The following FOCAD variants were observed in gnomAD, a reference collection of about 807,000 sequenced individuals.
FOCAD encodes focadhesin, also known as KIAA1797.
In FOCAD, 198 loss-of-function variants were observed where a neutral mutation model predicts 225.6. The ratio of observed to expected loss-of-function variants is 0.88; its 90% CI spans 0.78 to 0.99. The LOEUF (loss-of-function observed/expected upper bound fraction) is 0.99, where lower values mean the gene tolerates loss of function less well. Among genes scored for constraint, FOCAD ranks in the 50% least tolerant of loss-of-function variants. FOCAD has a pLI of 0.00. For synonymous variants in FOCAD, 897 were observed against 755.0 expected (o/e 1.19, Z -3.08); for missense variants, 2,713 against 2,123.6 (o/e 1.28, Z -5.46).
Position 20,775,201 on chromosome 9 carries a change from C to T in FOCAD, c.907-3480C>T, listed in dbSNP as rs575331534. ...TAGGCTGCATTAGTTTTTGTGGATT[C>T]GGTCTTAGTTGAGCCATTTTTAGCC... is the stretch of plus-strand genomic sequence containing the variant. On this transcript the variant is annotated intron_variant, in intron 8 of 43. Coordinates refer to ENST00000338382, the MANE Select transcript of FOCAD (RefSeq NM_001375567.1). Among the ~76,000 whole-genome samples, 10 of 152,188 alleles carry T rather than the reference C, an allele frequency of 6.6e-5. No homozygotes were observed. In the East Asian group the frequency reaches 7.7e-4, roughly 12 times the overall value.
At chr9:20,882,400 A>C (rs1185603395) in intron 20 of FOCAD, among the ~76,000 whole-genome samples, 1 of 152,238 alleles carries the variant, frequency 6.6e-6, no homozygotes, top group Non-Finnish European at 1.5e-5. Context: ...GATTTTTCTC[A>C]CAGGACATTT....
chr9:20,890,189 G>T (rs1006965371), intron 21 of FOCAD, among the ~76,000 whole-genome samples: 4 of 151,634 alleles, frequency 2.6e-5, no homozygotes. Context: ...TTGCTGGACT[G>T]CACTATCTAG....
intron 21 of FOCAD, among the ~76,000 whole-genome samples, chr9:20,885,787 T>C (rs1159800268): frequency 6.6e-6 from 1 of 152,154 alleles, no homozygotes; most frequent in African/African-American, 2.4e-5. Flanking sequence ...GGAAAGTCCT[T>C]GGGAAATGTA....
intron 21 of FOCAD, among the ~76,000 whole-genome samples, chr9:20,889,481 T>C (rs890920376): frequency 2.0e-5 from 3 of 152,198 alleles, no homozygotes; most frequent in Non-Finnish European, 4.4e-5. Flanking sequence ...ATGTATGTGT[T>C]ATTTGTTGAA....
chr9:20,705,847 C>G lies in FOCAD; in HGVS notation c.-32-9475C>G, dbSNP rs562509784. On this transcript the variant is annotated intron_variant, in intron 1 of 43. Transcript: ENST00000338382. ...GATATACTCATATATTTAGCATATA[C>G]ATATCCATATGCCACAAGTTAAAAC... is the stretch of plus-strand genomic sequence containing the variant. 7.4e-5 allele frequency among the ~76,000 whole-genome samples: 11 copies of G among 148,794 alleles called. No individual in the cohort carries two copies. In the South Asian group the frequency reaches 2.3e-3, roughly 32 times the overall value.
At chr9:20,826,739 A>G (rs1253095317) in intron 15 of FOCAD, among the ~76,000 whole-genome samples, 4 of 152,140 alleles carry the variant, frequency 2.6e-5, no homozygotes, top group Non-Finnish European at 5.9e-5. Context: ...CATGGCTCAC[A>G]AAAGTAGTCT....
intron 15 of FOCAD, among the ~76,000 whole-genome samples, chr9:20,833,954 A>C (rs1825749446): frequency 6.6e-6 from 1 of 152,100 alleles, no homozygotes; most frequent in Non-Finnish European, 1.5e-5. Flanking sequence ...ATATGAACAT[A>C]ATTCTACCTG....
At chr9:20,669,188 G>T (rs1369395716) in intron 2 of FOCAD, among the ~76,000 whole-genome samples, 4 of 152,078 alleles carry the variant, frequency 2.6e-5, no homozygotes, top group Admixed American at 6.5e-5. Flanking sequence ...AATTTAAGGG[G>T]GTGCTCATTC....
Position 20,771,916 on chromosome 9 carries a change from T to C in FOCAD, c.906+1678T>C, listed in dbSNP as rs200261819. ...AGAGTATGAGCTCTGTGGTGTCTTA[T>C]GAGGATACTATCCAGATTGGATTAT... On this transcript the variant is annotated intron_variant, in intron 8 of 43. Transcript: ENST00000338382. Among the ~76,000 whole-genome samples, 15 of 152,338 alleles carry C rather than the reference T, an allele frequency of 9.8e-5. No individual in the cohort carries two copies. In the East Asian group the frequency reaches 2.3e-3, roughly 23 times the overall value.
At position 20,916,937 on chromosome 9, in the gene FOCAD, AG is replaced by A; in HGVS notation, c.2852+1del. The A allele has an allele frequency of 6.2e-7, 1 of 1,601,586 alleles. No individual in the cohort carries two copies. The highest frequency in any genetic ancestry group is 8.5e-7 in the Non-Finnish European group (1 of 1,175,028). ...GATGAGATCACCAAGGCAGCTGCAAAGTAAGATCCATTTAGTCTTTTATCAA... is the reference window on the plus strand; with the variant it reads ...GATGAGATCACCAAGGCAGCTGCAAATAAGATCCATTTAGTCTTTTATCAA... On this transcript the variant is annotated splice_donor_variant, in intron 24 of 43. Coordinates refer to ENST00000338382, the MANE Select transcript of FOCAD (RefSeq NM_001375567.1). LOFTEE classifies it high-confidence loss of function.
At chr9:20,674,814 T>C (rs962858150) in intron 2 of FOCAD, among the ~76,000 whole-genome samples, 2 of 152,268 alleles carry the variant, frequency 1.3e-5, no homozygotes, top group Non-Finnish European at 2.9e-5. Flanking sequence ...TGTGCTTTTC[T>C]TCTGCCCCAT....
chr9:20,867,933 A>G lies in FOCAD; in HGVS notation c.2190+921A>G, dbSNP rs543653479. ...AACCAGGCAAATTTCTGTTTACTGA[A>G]TTGAATTGGAGCCACGATATAAAAA... On this transcript the variant is annotated intron_variant, in intron 18 of 43. Coordinates refer to ENST00000338382, the MANE Select transcript of FOCAD (RefSeq NM_001375567.1). Among the ~76,000 whole-genome samples the G allele has an allele frequency of 8.5e-5, 13 of 152,242 alleles. No individual in the cohort carries two copies. The South Asian group carries it at 2.5e-3, about 29-fold the overall frequency.
At chr9:20,867,994 A>C (rs911777648) in intron 18 of FOCAD, among the ~76,000 whole-genome samples, 6 of 152,144 alleles carry the variant, frequency 3.9e-5, no homozygotes, top group African/African-American at 1.2e-4. Context: ...CCAATTCCTA[A>C]GGCAGGCAGG....
Position 20,933,075 on chromosome 9 carries a change from T to G in FOCAD, c.3379T>G (p.Cys1127Gly). ...GAAGTCGTTGGATGCCCTGGAAAAT[T>G]GCTGCTTTGACACTAGTCTTGAATA... ...LMKSLDALEN[C>G]CFDTSLEYNT... The change falls in exon 28 of 44, where the codon TGC becomes GGC. Residue 1127 changes from cysteine (C) to glycine (G), a missense_variant. Transcript: ENST00000338382. The G allele has an allele frequency of 6.2e-7, 1 of 1,614,028 alleles. No homozygotes were observed. The highest frequency in any genetic ancestry group is 1.3e-5 in the African/African-American group (1 of 75,046).
intron 21 of FOCAD, among the ~76,000 whole-genome samples, chr9:20,901,294 T>G: frequency 6.6e-6 from 1 of 151,558 alleles, no homozygotes. Flanking sequence ...CAGTTGAAGT[T>G]AAATACATTT....
At chr9:20,957,326 TG>T (rs1253531514) in intron 35 of FOCAD, among the ~76,000 whole-genome samples, 3 of 152,094 alleles carry the variant, frequency 2.0e-5, no homozygotes, top group Admixed American at 6.5e-5. Flanking sequence ...CTTTAATTGT[TG>T]GGATTACAGG....
intron 39 of FOCAD, among the ~76,000 whole-genome samples, chr9:20,983,807 C>G (rs1488738908): frequency 6.6e-6 from 1 of 152,048 alleles, no homozygotes; most frequent in Non-Finnish European, 1.5e-5. Flanking sequence ...TGACTTAGAG[C>G]TCTTTTGAGA....
intron 2 of FOCAD, among the ~76,000 whole-genome samples, chr9:20,669,910 C>T (rs1822008551): frequency 2.0e-5 from 3 of 152,164 alleles, no homozygotes; most frequent in African/African-American, 7.2e-5. Context: ...CTACATAGGT[C>T]ATATACTCAT....
intron 28 of FOCAD, among the ~76,000 whole-genome samples, chr9:20,939,598 G>A (rs1042804538): frequency 6.6e-5 from 10 of 151,844 alleles, no homozygotes; most frequent in Admixed American, 1.3e-4. Flanking sequence ...TAAAAATTTC[G>A]TATGTCCAAG....
Sources: gnomAD v4.1 joint callset for allele counts (sites outside exome capture counted in the v4.1 genomes callset) on GRCh38, gnomAD v4.1.1 for gene constraint, MANE v1.5 for transcripts, NCBI Gene and HGNC (gene_info 2026-07-23, HGNC 2026-07-21) for gene names.